The following SCLY variants were observed in gnomAD, a reference collection of about 807,000 sequenced individuals.
SCLY encodes the protein putative selenocysteine lyase.
SCLY carries 38 observed loss-of-function variants against 50.1 expected under a neutral mutation model. The ratio of observed to expected loss-of-function variants is 0.76; its 90% CI spans 0.59 to 0.99. The LOEUF (loss-of-function observed/expected upper bound fraction) is 0.99, where lower values mean the gene tolerates loss of function less well. SCLY is among the 50% of genes least tolerant of loss of function. The pLI is 0.00. For synonymous variants in SCLY, 243 were observed against 249.4 expected (o/e 0.97, Z 0.24); for missense variants, 600 against 620.0 (o/e 0.97, Z 0.34).
In SCLY at chr2:238,081,778, G is replaced by A. The variant is rs201200405; in HGVS notation, c.554G>A (p.Arg185His). 41 of 1,614,176 alleles carry A rather than the reference G, an allele frequency of 2.5e-5. No homozygotes were observed. The East Asian group carries it at 4.9e-4, about 19-fold the overall frequency. ...AEVDDILAAV[R>H]PTTRLVTIML... ...GTGGACGACATCCTCGCGGCAGTCC[G>A]CCCGACCACACGCCTCGTGACCATC... The change falls in exon 5 of 12, where the codon CGC becomes CAC. Residue 185 changes from arginine to histidine, a missense_variant. By Grantham distance (29) the Arg-to-His change is conservative (BLOSUM62 0). Transcript: ENST00000254663.
In SCLY at chr2:238,094,474, C is replaced by T. The variant is rs770592643; in HGVS notation, c.1060C>T (p.Arg354Trp). ...GAATAGCCAGTTTCCAGGCACCCAG[C>T]GGCTTCCCAATACCTGTAACTTTTC... ...HLNSQFPGTQ[R>W]LPNTCNFSIR... is the part of the protein sequence containing the mutation. The change falls in exon 10 of 12, where the codon CGG (arginine) becomes TGG (tryptophan). Residue 354 changes from arginine to tryptophan, a missense_variant. Arg to Trp is a moderately radical substitution (Grantham distance 101). Coordinates refer to ENST00000254663, the MANE Select transcript of SCLY (RefSeq NM_016510.7). 12 of 1,614,080 alleles carry T rather than the reference C, an allele frequency of 7.4e-6. No homozygotes were observed. Among genetic ancestry groups the T allele is most frequent in the East Asian group, 2.2e-5 (1 of 44,902 alleles).
At chr2:238,091,552 T>TCC in intron 8 of SCLY, 1 of 308,688 alleles carries the variant, frequency 3.2e-6, no homozygotes, top group South Asian at 4.8e-5. Flanking sequence ...AGGTTCACCA[T>TCC]TCCCAAAGGC....
rs1559254394 is a variant in SCLY, at chr2:238,098,581, C to CCGCCCACATAGGAA, written c.*239_*240insACGCCCACATAGGA. On this transcript the variant is annotated 3_prime_UTR_variant, in exon 12 of 12. Transcript: ENST00000254663. ...GCCGCATAGGACTGCCCACATGGGA[C>CCGCCCACATAGGAA]CGCCCACATAGGACCGCCCACATAG... is the stretch of plus-strand genomic sequence containing the variant. 5.8e-5 allele frequency: 19 copies of CCGCCCACATAGGAA among 329,114 alleles called. No individual in the cohort carries two copies. The East Asian group carries it at 6.2e-4, about 11-fold the overall frequency. The allele number at this position is 329,114 out of a possible 1,614,324, so 20.4% of individuals were successfully genotyped here.
rs2065357752 is a variant in SCLY at position 238,091,181 on chromosome 2, A to G, written c.885-37A>G. On this transcript the variant is annotated intron_variant, in intron 7 of 11. Coordinates refer to ENST00000254663, the MANE Select transcript of SCLY (RefSeq NM_016510.7). Reference sequence around the variant, plus strand: ...TGGAGACAGGATTCCTTCCTGAGACATTTGTTTATTCTTGCTTAATCCCTT... The same window carrying G: ...TGGAGACAGGATTCCTTCCTGAGACGTTTGTTTATTCTTGCTTAATCCCTT... The G allele has an allele frequency of 1.9e-6, 3 of 1,574,464 alleles. No individual in the cohort carries two copies. The South Asian group carries it at 3.3e-5, about 18-fold the overall frequency.
intron 4 of SCLY, among the ~76,000 whole-genome samples, chr2:238,077,221 G>T (rs993054644): frequency 6.6e-6 from 1 of 152,170 alleles, no homozygotes; most frequent in East Asian, 1.9e-4. Context: ...TGGATGAACT[G>T]GTTCTTTTAT....
intron 7 of SCLY, among the ~76,000 whole-genome samples, chr2:238,085,556 A>AG (rs1491116836): frequency 2.0e-5 from 3 of 146,570 alleles, no homozygotes; most frequent in Non-Finnish European, 4.5e-5. Context: ...ATCTCTACTG[A>AG]AAAAAAAAAA....
chr2:238,085,210 G>A (rs1332102440), intron 7 of SCLY, among the ~76,000 whole-genome samples: 1 of 152,104 alleles, frequency 6.6e-6, no homozygotes, highest in Admixed American at 6.6e-5. Context: ...GAGAAATTGT[G>A]AACACCCTTG....
chr2:238,091,312 C>T lies in SCLY; in HGVS notation c.921+58C>T, dbSNP rs764879904. On this transcript the variant is annotated intron_variant, in intron 8 of 11. Transcript: ENST00000254663. ...ATTGCTTTGTCATCAGTGTCCCCAG[C>T]GGCTCTAGTAGGAATCTGGGGCTTT... 188 of 1,416,960 alleles carry T rather than the reference C, an allele frequency of 1.3e-4. 1 individual carries two copies. The highest frequency in any genetic ancestry group is 1.7e-4 in the Non-Finnish European group (173 of 1,000,266). 87.8% of individuals were successfully genotyped at this position (1,416,960 alleles called of 1,614,324 possible).
At chr2:238,094,059 T>G in intron 9 of SCLY, 115 bp downstream of exon 9, 1 of 916,514 alleles carries the variant, frequency 1.1e-6, no homozygotes. Flanking sequence ...CAGCGTAGCC[T>G]GGAACTCAGC....
At position 238,098,633 on chromosome 2, in the gene SCLY, G is replaced by GGACCGCCCACATA. The variant is rs1559254767; in HGVS notation, c.*279_*280insACCGCCCACATAG. 7.9e-4 allele frequency: 183 copies of GGACCGCCCACATA among 230,716 alleles called. 6 individuals are homozygous for GGACCGCCCACATA. Among genetic ancestry groups the GGACCGCCCACATA allele is most frequent in the Admixed American group, 2.5e-3 (33 of 13,450 alleles). 14.3% of individuals were successfully genotyped at this position (230,716 alleles called of 1,614,324 possible). On this transcript the variant is annotated 3_prime_UTR_variant, in exon 12 of 12. Coordinates refer to ENST00000254663, the MANE Select transcript of SCLY (RefSeq NM_016510.7). ...ACCGCCCACATGGGACCGCCCACATGGGACCGCCCACATGGGACCGCCCAC... is the reference window on the plus strand; with the variant it reads ...ACCGCCCACATGGGACCGCCCACATGGACCGCCCACATAGGACCGCCCACATGGGACCGCCCAC...
rs1414012662 is a variant in SCLY at position 238,069,554 on chromosome 2, G to A, written c.484+77G>A. On this transcript the variant is annotated intron_variant, in intron 4 of 11. Transcript: ENST00000254663. This position sits in a 1 kb window ranked among gnomAD's most constrained non-coding sequence, Gnocchi z 5.0. ...AGGCGGGAAGTGGCCTGCGAGCAGA[G>A]CCCGGGATCCGCTGCAGAGATGTAG... 1.5e-6 allele frequency: 2 copies of A among 1,320,150 alleles called. No individual in the cohort carries two copies. Among genetic ancestry groups the A allele is most frequent in the African/African-American group, 3.0e-5 (2 of 67,108 alleles). 81.8% of individuals were successfully genotyped at this position (1,320,150 alleles called of 1,614,324 possible). A position where few individuals can be genotyped will look rare whatever the true frequency, so the allele number is the denominator to read the frequency against.
intron 4 of SCLY, chr2:238,080,886 T>TAA (rs1345206432): frequency 1.3e-5 from 2 of 152,274 alleles, no homozygotes; most frequent in African/African-American, 4.8e-5. Context: ...AAGTGTTCTT[T>TAA]TCCCTGTTAA....
chr2:238,098,498 G>A lies in SCLY; in HGVS notation c.*143G>A. 1 of 965,792 alleles carries A rather than the reference G, an allele frequency of 1.0e-6. No individual in the cohort carries two copies. The allele number at this position is 965,792 out of a possible 1,614,324, so 59.8% of individuals were successfully genotyped here. On this transcript the variant is annotated 3_prime_UTR_variant, in exon 12 of 12. Coordinates refer to ENST00000254663, the MANE Select transcript of SCLY (RefSeq NM_016510.7). ...TTTGTCCTGGAGTGCCAGCGAGTGT[G>A]CACCCCCAGTTTCCTTCCCTGGACC...
At chr2:238,089,090 A>T (rs769444661) in intron 7 of SCLY, among the ~76,000 whole-genome samples, 6 of 152,242 alleles carry the variant, frequency 3.9e-5, no homozygotes, top group Non-Finnish European at 8.8e-5. Context: ...CAAGATAAAC[A>T]TGCAAAAATC....
At chr2:238,085,019 A>T (rs59191958) in intron 7 of SCLY, among the ~76,000 whole-genome samples, 1,801 of 152,256 alleles carry the variant, frequency 0.012, 46 homozygotes, top group African/African-American at 0.042. Flanking sequence ...AATAAGATCC[A>T]GGTTCTCATA....
In SCLY at chr2:238,069,807, C is replaced by T. The variant is rs987407021; in HGVS notation, c.484+330C>T. On this transcript the variant is annotated intron_variant, in intron 4 of 11. Coordinates refer to ENST00000254663, the MANE Select transcript of SCLY (RefSeq NM_016510.7). This position sits in a 1 kb window ranked among gnomAD's most constrained non-coding sequence, Gnocchi z 5.0. Reference sequence around the variant, plus strand: ...TTGTATAACTGAGTGATATTTGAAACTTGCATGTAATAAATATTTAACCTT... The same window carrying T: ...TTGTATAACTGAGTGATATTTGAAATTTGCATGTAATAAATATTTAACCTT... 8.7e-5 allele frequency: 20 copies of T among 230,644 alleles called. No homozygotes were observed. Among genetic ancestry groups the T allele is most frequent in the Admixed American group, 5.7e-4 (10 of 17,480 alleles). 14.3% of individuals were successfully genotyped at this position (230,644 alleles called of 1,614,324 possible).
chr2:238,082,319 C>A, intron 6 of SCLY, 110 bp downstream of exon 6: 2 of 1,136,786 alleles, frequency 1.8e-6, no homozygotes, highest in Non-Finnish European at 2.5e-6. Context: ...GCCTTGGGGG[C>A]ACTGCGAGGA....
At chr2:238,092,404 G>C (rs62196001) in intron 8 of SCLY, 49,447 of 152,328 alleles carry the variant, frequency 0.32, 10,037 homozygotes, top group Admixed American at 0.44. Flanking sequence ...GTTTTAAGTG[G>C]AGTCCGGTAC....
chr2:238,071,450 C>CA (rs1199501882), intron 4 of SCLY, among the ~76,000 whole-genome samples: 42 of 151,898 alleles, frequency 2.8e-4, no homozygotes, highest in Non-Finnish European at 4.3e-4. Flanking sequence ...ACTAAAAATA[C>CA]AAAAAAAATT....
Sources: gnomAD v4.1 joint callset for allele counts (sites outside exome capture counted in the v4.1 genomes callset) on GRCh38, gnomAD v4.1.1 for gene constraint, Gnocchi (gnomAD v3.1) non-coding constraint, MANE v1.5 for transcripts, NCBI Gene and HGNC (gene_info 2026-07-23, HGNC 2026-07-21) for gene names.